UTS2B: variants seen among roughly 807,000 people sequenced by gnomAD.
UTS2B encodes urotensin-2B.
UTS2B carries 21 observed loss-of-function variants against 19.2 expected under a neutral mutation model. The ratio of observed to expected loss-of-function variants is 1.09; its 90% confidence interval spans 0.78 to 1.58. The LOEUF (loss-of-function observed/expected upper bound fraction) is 1.58, where lower values mean the gene tolerates loss of function less well. Among genes scored for constraint, UTS2B ranks in the 40% most tolerant of loss-of-function variants. The pLI, the probability that UTS2B is intolerant of heterozygous loss-of-function variation, is 0.00. For synonymous variants in UTS2B, 57 were observed against 50.2 expected (o/e 1.14, Z -0.58); for missense variants, 138 against 130.3 (o/e 1.06, Z -0.29).
At chr3:191,325,993 A>G (rs1403189957) in intron 2 of UTS2B, among the ~76,000 whole-genome samples, 1 of 152,176 alleles carries the variant, frequency 6.6e-6, no homozygotes, top group African/African-American at 2.4e-5. Flanking sequence ...AACAGTTCTA[A>G]TTGCATCCTC....
intron 4 of UTS2B, among the ~76,000 whole-genome samples, chr3:191,290,621 ACC>A (rs909165889): frequency 3.9e-5 from 6 of 152,102 alleles, no homozygotes; most frequent in African/African-American, 1.4e-4. Context: ...AATAACAGAG[ACC>A]CCCATTTTAA....
At chr3:191,315,966 T>A (rs773640855) in intron 3 of UTS2B, 70 bp downstream of exon 3, 5 of 152,234 alleles carry the variant, frequency 3.3e-5, no homozygotes, top group Non-Finnish European at 1.5e-5. Context: ...GCTTCTTAGC[T>A]TTATACAGTA....
intron 4 of UTS2B, among the ~76,000 whole-genome samples, chr3:191,284,639 G>T (rs1716483979): frequency 6.6e-6 from 1 of 150,900 alleles, no homozygotes; most frequent in African/African-American, 2.4e-5. Flanking sequence ...GAATAATCAG[G>T]GCCAGGCACA....
At chr3:191,326,715 A>G (rs1275346292) in intron 2 of UTS2B, among the ~76,000 whole-genome samples, 5 of 152,232 alleles carry the variant, frequency 3.3e-5, no homozygotes, top group African/African-American at 1.2e-4. Context: ...ACAGAAATTC[A>G]CCATATGTTC....
chr3:191,278,137 T>C lies in UTS2B; in HGVS notation c.137A>G (p.Asn46Ser). The C allele has an allele frequency of 6.4e-7, 1 of 1,558,452 alleles. No homozygotes were observed. Among genetic ancestry groups the C allele is most frequent in the Non-Finnish European group, 8.7e-7 (1 of 1,155,954 alleles). The change falls in exon 6 of 9, where the codon AAT (asparagine) becomes AGT (serine). Residue 46 changes from asparagine to serine, a missense_variant. Asn to Ser is a conservative substitution (Grantham distance 46). Coordinates refer to ENST00000340524, the MANE Select transcript of UTS2B (RefSeq NM_198152.5). ...TAGAGCCAGCAATAGTTCCTCACGATTTGTATATTTTTTATCTGGAAATAT... is the reference window on the plus strand; with the variant it reads ...TAGAGCCAGCAATAGTTCCTCACGACTTGTATATTTTTTATCTGGAAATAT... The part of the protein sequence containing the change: ...NEIFPDKKYT[N>S]REELLLALLN...
chr3:191,332,307 A>G (rs1019263415), upstream of UTS2B, among the ~76,000 whole-genome samples: 2 of 152,238 alleles, frequency 1.3e-5, no homozygotes, highest in African/African-American at 4.8e-5. Context: ...ACACACACAC[A>G]TACACCTATG....
chr3:191,292,350 A>G (rs1473111430), intron 4 of UTS2B, among the ~76,000 whole-genome samples: 1 of 152,056 alleles, frequency 6.6e-6, no homozygotes, highest in Non-Finnish European at 1.5e-5. Flanking sequence ...AATATGTTAT[A>G]TTTTTGATGC....
chr3:191,321,821 G>A (rs1434249075), intron 2 of UTS2B, among the ~76,000 whole-genome samples: 1 of 152,206 alleles, frequency 6.6e-6, no homozygotes, highest in African/African-American at 2.4e-5. Flanking sequence ...GAGGTCAAGA[G>A]TTGAAGACCA....
intron 3 of UTS2B, among the ~76,000 whole-genome samples, chr3:191,305,163 T>C (rs1005194449): frequency 6.6e-6 from 1 of 152,214 alleles, no homozygotes; most frequent in East Asian, 1.9e-4. Flanking sequence ...GAATGATTTA[T>C]ATGTTTTTGG....
chr3:191,306,331 A>G (rs772258380), intron 3 of UTS2B, among the ~76,000 whole-genome samples: 18 of 152,234 alleles, frequency 1.2e-4, no homozygotes, highest in Non-Finnish European at 7.3e-5. Flanking sequence ...AACTTCAGAG[A>G]TATATTTAAC....
intron 8 of UTS2B, 136 bp downstream of exon 8, chr3:191,275,116 A>G: frequency 1.7e-6 from 1 of 589,092 alleles, no homozygotes; most frequent in Non-Finnish European, 2.9e-6. Context: ...ATTGGAATAT[A>G]TTTTTTTAAT....
intron 5 of UTS2B, among the ~76,000 whole-genome samples, chr3:191,279,697 T>TA (rs1208550912): frequency 7.2e-5 from 11 of 152,064 alleles, no homozygotes; most frequent in Non-Finnish European, 1.2e-4. Context: ...TTGCTTCCGA[T>TA]AATTATACCT....
At chr3:191,274,233 T>A (rs998576809) in intron 8 of UTS2B, among the ~76,000 whole-genome samples, 1 of 152,228 alleles carries the variant, frequency 6.6e-6, no homozygotes, top group Non-Finnish European at 1.5e-5. Context: ...CCTTCTGAGA[T>A]GCAGTTTTCT....
chr3:191,332,566 T>G (rs556041028), upstream of UTS2B, among the ~76,000 whole-genome samples: 3 of 152,368 alleles, frequency 2.0e-5, no homozygotes, highest in South Asian at 4.1e-4. Context: ...CATTTTAAAC[T>G]TCAGTAGGTC....
chr3:191,338,377 C>T, the UTS2B span, among the ~76,000 whole-genome samples: 7 of 152,116 alleles, frequency 4.6e-5, no homozygotes, highest in Admixed American at 3.9e-4. Context: ...GGAGTCCTGA[C>T]GTAGAAGAAA....
the UTS2B span, among the ~76,000 whole-genome samples, chr3:191,335,895 A>C: frequency 1.3e-5 from 2 of 152,114 alleles, no homozygotes; most frequent in Admixed American, 1.3e-4. Flanking sequence ...CAAGATACAG[A>C]ACAGTTCCTA....
At chr3:191,289,371 T>C (rs1361545390) in intron 4 of UTS2B, among the ~76,000 whole-genome samples, 1 of 151,298 alleles carries the variant, frequency 6.6e-6, no homozygotes, top group African/African-American at 2.4e-5. Context: ...ATTGCGCCAC[T>C]GCACTCCGGC....
Position 191,296,339 on chromosome 3 carries a change from A to T in UTS2B, c.-125+8153T>A, listed in dbSNP as rs555819229. Among the ~76,000 whole-genome samples the T allele has an allele frequency of 3.8e-3, 578 of 152,028 alleles. 1 individual carries two copies. Among genetic ancestry groups the T allele is most frequent in the African/African-American group, 0.013 (555 of 41,448 alleles). ...TTAAAGTTGTGGCTTCTTCAACAAA[A>T]TCTCCCCTGATTTCTCCAGATTAAG... On this transcript the variant is annotated intron_variant, in intron 4 of 8. Transcript: ENST00000340524.
At chr3:191,315,772 AAAGTTC>A (rs1465369021) in intron 3 of UTS2B, among the ~76,000 whole-genome samples, 1 of 152,216 alleles carries the variant, frequency 6.6e-6, no homozygotes, top group Non-Finnish European at 1.5e-5. Flanking sequence ...TTCTTGGGCA[AAAGTTC>A]AAGTCTAAAT....
Sources: allele counts gnomAD v4.1 joint callset (sites outside exome capture counted in the v4.1 genomes callset), GRCh38; gene constraint gnomAD v4.1.1; transcripts MANE v1.5; gene names NCBI Gene and HGNC (gene_info 2026-07-23, HGNC 2026-07-21).